Variants in OSBPL9 observed in about 807,000 individuals in gnomAD.
OSBPL9 encodes oxysterol-binding protein-related protein 9.
OSBPL9 carries 40 observed loss-of-function variants against 106.6 expected under a neutral mutation model. The ratio of observed to expected loss-of-function variants is 0.38; its 90% CI spans 0.29 to 0.49. The LOEUF (loss-of-function observed/expected upper bound fraction) is 0.49. Among genes scored for constraint, OSBPL9 ranks in the 20% least tolerant of loss-of-function variants. OSBPL9 has a pLI of 0.97. For missense variants in OSBPL9, 609 were observed against 887.2 expected, an observed-to-expected ratio of 0.69 and a Z score of 3.98; for synonymous variants, 269 against 295.4, an observed-to-expected ratio of 0.91 and a Z score of 0.92.
At chr1:51,553,509 G>C in the OSBPL9 span, among the ~76,000 whole-genome samples, 8 of 151,682 alleles carry the variant, frequency 5.3e-5, no homozygotes, top group East Asian at 1.6e-3. Flanking sequence ...GCAAGACCCT[G>C]TCTCAACGAC....
the OSBPL9 span, among the ~76,000 whole-genome samples, chr1:51,526,574 T>C: frequency 1.3e-5 from 2 of 152,132 alleles, no homozygotes; most frequent in African/African-American, 4.8e-5. Context: ...TGTTTGTTTA[T>C]GTCATTGGGG....
In OSBPL9 at chr1:51,748,207, TAAAAAAC is replaced by T. The variant is rs1306348893; in HGVS notation, c.463-157_463-151del. Among the ~76,000 whole-genome samples the T allele has an allele frequency of 3.9e-5, 6 of 152,172 alleles. No homozygotes were observed. The South Asian group carries it at 1.2e-3, about 32-fold the overall frequency. On this transcript the variant is annotated intron_variant, in intron 6 of 23. Transcript: ENST00000428468. Reference sequence around the variant, plus strand: ...TTTTTATACAAATAATTGATTTAGATAAAAAACAAAATACAACAAAAAGTACTCCCTT... The same window carrying T: ...TTTTTATACAAATAATTGATTTAGATAAAATACAACAAAAAGTACTCCCTT...
At chr1:51,781,473 A>T in intron 16 of OSBPL9, 138 bp downstream of exon 16, 1 of 839,388 alleles carries the variant, frequency 1.2e-6, no homozygotes. Flanking sequence ...TTAGAGCAGC[A>T]TAGTTTGAAT....
At chr1:51,739,785 A>G (rs936992794) in intron 4 of OSBPL9, among the ~76,000 whole-genome samples, 1 of 152,008 alleles carries the variant, frequency 6.6e-6, no homozygotes, top group African/African-American at 2.4e-5. Context: ...GGGATTGTAA[A>G]TGTTTCCAAA....
At chr1:51,535,254 G>C in the OSBPL9 span, among the ~76,000 whole-genome samples, 1 of 152,152 alleles carries the variant, frequency 6.6e-6, no homozygotes. Flanking sequence ...CATGTTTTCA[G>C]AAGAACTCTA....
chr1:51,676,407 A>G lies in OSBPL9; in HGVS notation c.241+6895A>G, dbSNP rs1024259539. Among the ~76,000 whole-genome samples the G allele has an allele frequency of 1.3e-5, 2 of 151,922 alleles. 1 individual carries two copies. The highest frequency in any genetic ancestry group is 4.2e-4 in the South Asian group (2 of 4,808). ...ATCCCACCATTGCACCCCCGCCTGG[A>G]CAACACAGTGAGATGCCTTCTCAAA... On this transcript the variant is annotated intron_variant, in intron 3 of 23. Transcript: ENST00000428468.
intron 4 of OSBPL9, among the ~76,000 whole-genome samples, chr1:51,742,870 G>A (rs1667224293): frequency 6.6e-6 from 1 of 152,178 alleles, no homozygotes; most frequent in Non-Finnish European, 1.5e-5. Context: ...TTCTACATTA[G>A]GAAGTAGTGG....
intron 3 of OSBPL9, among the ~76,000 whole-genome samples, chr1:51,683,822 A>G (rs1349976440): frequency 6.6e-6 from 1 of 151,922 alleles, no homozygotes; most frequent in African/African-American, 2.4e-5. Flanking sequence ...GTTATTTGTG[A>G]TAAAATGGAT....
At chr1:51,637,829 A>C (rs1262781164) in intron 1 of OSBPL9, among the ~76,000 whole-genome samples, 2 of 152,216 alleles carry the variant, frequency 1.3e-5, no homozygotes, top group African/African-American at 4.8e-5. Flanking sequence ...CCAAAGTTAT[A>C]TGTTATAGGT....
chr1:51,705,376 C>CTCATATATATATAT (rs1447902837), intron 3 of OSBPL9, among the ~76,000 whole-genome samples: 1 of 41,670 alleles, frequency 2.4e-5, no homozygotes, highest in African/African-American at 1.1e-4. Context: ...TAGGGTGTTT[C>CTCATATATATATAT]ATATATATAT....
At chr1:51,544,633 A>G in the OSBPL9 span, among the ~76,000 whole-genome samples, 1 of 152,140 alleles carries the variant, frequency 6.6e-6, no homozygotes, top group Non-Finnish European at 1.5e-5. Context: ...AAAATTATGT[A>G]TAAATTTTAA....
intron 12 of OSBPL9, among the ~76,000 whole-genome samples, chr1:51,767,426 T>G: frequency 6.6e-6 from 1 of 152,084 alleles, no homozygotes; most frequent in South Asian, 2.1e-4. Flanking sequence ...GAATTACTGA[T>G]TTACTTTCAT....
chr1:51,668,895 C>T (rs1009209847), intron 2 of OSBPL9, among the ~76,000 whole-genome samples: 13 of 152,144 alleles, frequency 8.5e-5, no homozygotes, highest in African/African-American at 3.1e-4. Flanking sequence ...TCACAGTATA[C>T]TGTGAAAAGT....
chr1:51,719,460 C>T (rs944765526), intron 4 of OSBPL9, among the ~76,000 whole-genome samples: 15 of 150,600 alleles, frequency 1.0e-4, no homozygotes, highest in South Asian at 2.1e-4. Flanking sequence ...TTTTTTTTAA[C>T]CCTAGTAAGC....
In OSBPL9 at chr1:51,789,022, C is replaced by T. The variant is rs565754893; in HGVS notation, c.*1233C>T. On this transcript the variant is annotated 3_prime_UTR_variant, in exon 24 of 24. Transcript: ENST00000428468. ...AGTGCTGCTGCAGGCTTTCTGGTCTCGCTTGGCCCATTCTGCTAATTTTCC... is the reference window on the plus strand; with the variant it reads ...AGTGCTGCTGCAGGCTTTCTGGTCTTGCTTGGCCCATTCTGCTAATTTTCC... 2.2e-4 allele frequency among the ~76,000 whole-genome samples: 33 copies of T among 152,300 alleles called. No homozygotes were observed. In the South Asian group the frequency reaches 6.6e-3, roughly 31 times the overall value.
chr1:51,663,624 A>G (rs1261527494), intron 2 of OSBPL9, among the ~76,000 whole-genome samples: 1 of 152,244 alleles, frequency 6.6e-6, no homozygotes, highest in Non-Finnish European at 1.5e-5. Context: ...AGAAAGCAGA[A>G]CTATAAAATG....
At chr1:51,617,053 C>G (rs1374179031), upstream of OSBPL9, 1 of 1,254,380 alleles carries the variant, frequency 8.0e-7, no homozygotes, top group Non-Finnish European at 1.1e-6. Flanking sequence ...CCCCCGCATG[C>G]TGAATGCCAT....
intron 12 of OSBPL9, among the ~76,000 whole-genome samples, chr1:51,771,028 T>C (rs921426433): frequency 6.6e-6 from 1 of 152,166 alleles, no homozygotes; most frequent in Admixed American, 6.5e-5. Context: ...TGGTATGGGA[T>C]GTTGATCATG....
chr1:51,664,840 C>G (rs1241039804), intron 2 of OSBPL9, among the ~76,000 whole-genome samples: 1 of 152,148 alleles, frequency 6.6e-6, no homozygotes, highest in Non-Finnish European at 1.5e-5. Flanking sequence ...TTGAGCTGTA[C>G]ACTTGTGATT....
Sources: gnomAD v4.1 joint callset for allele counts (sites outside exome capture counted in the v4.1 genomes callset) on GRCh38, gnomAD v4.1.1 for gene constraint, MANE v1.5 for transcripts, NCBI Gene and HGNC (gene_info 2026-07-23, HGNC 2026-07-21) for gene names.